Variants in NFIA observed in about 807,000 individuals in gnomAD.
The protein encoded by NFIA is nuclear factor I A, also known as nuclear factor 1 A-type.
In NFIA, 8 loss-of-function variants were observed where a neutral mutation model predicts 62.8. That is an observed-to-expected ratio of 0.13 (90% CI 0.07 to 0.23). NFIA has a LOEUF of 0.23. Among genes scored for constraint, NFIA ranks in the 10% least tolerant of loss-of-function variants. NFIA has a pLI of 1.00. For missense variants in NFIA, 410 were observed against 642.1 expected (o/e 0.64, Z 3.91); for synonymous variants, 235 against 238.1 (o/e 0.99, Z 0.12).
chr1:61,342,795 C>G (rs1206454839), intron 4 of NFIA, among the ~76,000 whole-genome samples: 2 of 152,208 alleles, frequency 1.3e-5, no homozygotes, highest in African/African-American at 4.8e-5. Context: ...GAATTTCACT[C>G]CTGTTTCTTT....
chr1:61,084,107 A>G (rs775276023), intron 1 of NFIA, among the ~76,000 whole-genome samples: 5 of 152,186 alleles, frequency 3.3e-5, no homozygotes, highest in Non-Finnish European at 7.4e-5. Flanking sequence ...ACATGAAGTT[A>G]TATGCTTCAC....
intron 2 of NFIA, among the ~76,000 whole-genome samples, chr1:61,185,226 T>G (rs1651083284): frequency 6.6e-6 from 1 of 152,212 alleles, no homozygotes; most frequent in South Asian, 2.1e-4. Flanking sequence ...CTATACCTGT[T>G]TCCACATATG....
At chr1:61,228,247 C>T (rs1219179355) in intron 2 of NFIA, among the ~76,000 whole-genome samples, 1 of 152,108 alleles carries the variant, frequency 6.6e-6, no homozygotes, top group Non-Finnish European at 1.5e-5. Flanking sequence ...CATTTTTCAT[C>T]CCATTAATAA....
chr1:61,139,495 AT>A (rs1407175749), intron 2 of NFIA, among the ~76,000 whole-genome samples: 2 of 152,140 alleles, frequency 1.3e-5, no homozygotes, highest in South Asian at 2.1e-4. Context: ...CTGGGCATCT[AT>A]TTTGCGGATC....
At chr1:61,388,680 T>C (rs1664821667) in intron 7 of NFIA, among the ~76,000 whole-genome samples, 2 of 152,164 alleles carry the variant, frequency 1.3e-5, no homozygotes, top group African/African-American at 4.8e-5. Flanking sequence ...CAATTGAAAG[T>C]AATTGAAAGA....
Position 61,126,089 on chromosome 1 carries a change from A to G in NFIA, c.559+37409A>G, listed in dbSNP as rs189838620. On this transcript the variant is annotated intron_variant, in intron 2 of 10. Coordinates refer to ENST00000403491, the MANE Select transcript of NFIA (RefSeq NM_001134673.4). ...TTACAAGTGAGGAAACTAAGTTTAT[A>G]TAAGTGTCACGAAACTTGCTTCAGT... Among the ~76,000 whole-genome samples the G allele has an allele frequency of 2.9e-3, 439 of 152,304 alleles. 1 individual carries two copies. The highest frequency in any genetic ancestry group is 5.0e-3 in the Non-Finnish European group (342 of 68,026).
At chr1:61,341,733 C>T (rs1385817179) in intron 4 of NFIA, among the ~76,000 whole-genome samples, 1 of 152,214 alleles carries the variant, frequency 6.6e-6, no homozygotes, top group Non-Finnish European at 1.5e-5. Context: ...CTGCCTTGGC[C>T]TCCCAAAGTG....
At chr1:61,393,818 TACTC>T (rs1665133548) in intron 7 of NFIA, among the ~76,000 whole-genome samples, 1 of 152,152 alleles carries the variant, frequency 6.6e-6, no homozygotes, top group Non-Finnish European at 1.5e-5. Flanking sequence ...GGGCTCAGCT[TACTC>T]ACTAGCTGTG....
intron 9 of NFIA, among the ~76,000 whole-genome samples, chr1:61,424,480 C>T (rs543181361): frequency 3.9e-5 from 6 of 152,244 alleles, no homozygotes; most frequent in African/African-American, 1.2e-4. Context: ...GCACACTGTT[C>T]TATCAGGGCC....
In NFIA at chr1:61,125,679, T is replaced by C. The variant is rs964694884; in HGVS notation, c.559+36999T>C. ...ATAAAGTGGAATGAGCTAGCAAGCA[T>C]ATTATACCTAAGAAGAAAAACAAGA... On this transcript the variant is annotated intron_variant, in intron 2 of 10. Coordinates refer to ENST00000403491, the MANE Select transcript of NFIA (RefSeq NM_001134673.4). Among the ~76,000 whole-genome samples, 47 of 152,216 alleles carry C rather than the reference T, an allele frequency of 3.1e-4. 1 individual carries two copies. The highest frequency in any genetic ancestry group is 3.0e-3 in the Admixed American group (46 of 15,290).
chr1:61,425,009 A>G (rs1234718165), intron 9 of NFIA, among the ~76,000 whole-genome samples: 1 of 152,204 alleles, frequency 6.6e-6, no homozygotes, highest in Admixed American at 6.5e-5. Flanking sequence ...CATTTAGATC[A>G]TTTTAAATAA....
At chr1:61,371,278 A>G (rs937460156) in intron 6 of NFIA, among the ~76,000 whole-genome samples, 4 of 152,152 alleles carry the variant, frequency 2.6e-5, no homozygotes, top group Admixed American at 6.6e-5. Context: ...TTATTCTTTG[A>G]TATTTATCAC....
chr1:61,462,043 G>GTTTTTTTTTTTTTTTTTTT lies in NFIA; in HGVS notation c.*6723_*6724insTTTTTTTTTTTTTTTTTTT, dbSNP rs1668560526. ...TTTTGGGTTTTTTTTTTTTTTTTTT[G>GTTTTTTTTTTTTTTTTTTT]GCTTTTTTTTTTGTTTGTTTTTTTT... On this transcript the variant is annotated 3_prime_UTR_variant, in exon 11 of 11. Coordinates refer to ENST00000403491, the MANE Select transcript of NFIA (RefSeq NM_001134673.4). 3.1e-5 allele frequency: 1 copy of GTTTTTTTTTTTTTTTTTTT among 32,166 alleles called. No individual in the cohort carries two copies. Among genetic ancestry groups the GTTTTTTTTTTTTTTTTTTT allele is most frequent in the Non-Finnish European group, 6.1e-5 (1 of 16,284 alleles). The allele number at this position is 32,166 out of a possible 1,614,324, so 2.0% of individuals were successfully genotyped here.
chr1:61,227,312 T>G (rs1014422211), intron 2 of NFIA, among the ~76,000 whole-genome samples: 1 of 152,186 alleles, frequency 6.6e-6, no homozygotes, highest in African/African-American at 2.4e-5. Flanking sequence ...TTTCCCTTTT[T>G]GTTTAGTTTA....
chr1:61,275,972 G>C (rs1462549886), intron 2 of NFIA, among the ~76,000 whole-genome samples: 1 of 151,672 alleles, frequency 6.6e-6, no homozygotes, highest in African/African-American at 2.4e-5. Context: ...TTGTATTTTT[G>C]TAGTTTATTC....
At chr1:61,235,404 A>T (rs1654932267) in intron 2 of NFIA, among the ~76,000 whole-genome samples, 1 of 151,828 alleles carries the variant, frequency 6.6e-6, no homozygotes, top group African/African-American at 2.4e-5. Context: ...CGGAGGTTGC[A>T]GTGAGCCGAG....
intron 3 of NFIA, among the ~76,000 whole-genome samples, chr1:61,297,672 G>A (rs1003074020): frequency 6.6e-5 from 10 of 152,122 alleles, no homozygotes; most frequent in African/African-American, 2.2e-4. Context: ...TGTTTTGGAT[G>A]CAGTCCTTTA....
chr1:61,279,677 C>T (rs908397353), intron 3 of NFIA, among the ~76,000 whole-genome samples: 2 of 152,096 alleles, frequency 1.3e-5, no homozygotes, highest in Non-Finnish European at 2.9e-5. Context: ...TTAGGTCTGG[C>T]CGCCCCTCTA....
At chr1:61,236,998 T>G (rs1311892292) in intron 2 of NFIA, among the ~76,000 whole-genome samples, 1 of 152,178 alleles carries the variant, frequency 6.6e-6, no homozygotes, top group African/African-American at 2.4e-5. Flanking sequence ...AGAACCCTTC[T>G]TCTCAAGTCC....
Sources: allele counts gnomAD v4.1 joint callset (sites outside exome capture counted in the v4.1 genomes callset), GRCh38; gene constraint gnomAD v4.1.1; transcripts MANE v1.5; gene names NCBI Gene and HGNC (gene_info 2026-07-23, HGNC 2026-07-21).